The following TENM2 variants were observed in gnomAD, a reference collection of about 807,000 sequenced individuals.
The protein encoded by TENM2 is teneurin-2.
Under a neutral mutation model 245.2 loss-of-function variants are expected in TENM2, and 52 were observed. The observed-to-expected ratio is 0.21, with a 90% CI of 0.17 to 0.27. The LOEUF (loss-of-function observed/expected upper bound fraction) is 0.27. Among genes scored for constraint, TENM2 ranks in the 10% least tolerant of loss-of-function variants. TENM2 has a pLI of 1.00. For synonymous variants in TENM2, 1,363 were observed against 1,438.9 expected (o/e 0.95, Z 1.19); for missense variants, 3,046 against 3,666.8 (o/e 0.83, Z 4.37).
At chr5:168,238,217 G>GAGAGA (rs1554230275) in intron 25 of TENM2, among the ~76,000 whole-genome samples, 1 of 40,756 alleles carries the variant, frequency 2.5e-5, no homozygotes, top group East Asian at 8.3e-4. Context: ...GAGGGAGGGA[G>GAGAGA]AGAGAAGAAA....
chr5:167,827,396 T>A (rs74901012), intron 2 of TENM2, among the ~76,000 whole-genome samples: 1,751 of 152,190 alleles, frequency 0.012, 32 homozygotes, highest in African/African-American at 0.039. Context: ...TAGCTACTAG[T>A]TAGAGCATGG....
chr5:168,125,791 A>G (rs1206330007), intron 11 of TENM2, among the ~76,000 whole-genome samples: 2 of 151,800 alleles, frequency 1.3e-5, no homozygotes, highest in Non-Finnish European at 2.9e-5. Context: ...GCTATTTTGG[A>G]ATGTCTTCTC....
chr5:168,090,044 A>G (rs1036588513), intron 7 of TENM2, among the ~76,000 whole-genome samples: 1 of 152,212 alleles, frequency 6.6e-6, no homozygotes, highest in African/African-American at 2.4e-5. Flanking sequence ...TAAATGATCA[A>G]TAAAATGGTA....
intron 27 of TENM2, among the ~76,000 whole-genome samples, chr5:168,257,371 C>T (rs1044161744): frequency 5.9e-5 from 9 of 152,016 alleles, no homozygotes; most frequent in Admixed American, 3.9e-4. Context: ...GCAGAGGATA[C>T]GTTTAGGGAA....
At chr5:168,178,340 C>A (rs1759537288) in intron 13 of TENM2, among the ~76,000 whole-genome samples, 1 of 152,122 alleles carries the variant, frequency 6.6e-6, no homozygotes, top group Non-Finnish European at 1.5e-5. Flanking sequence ...GCAGGGTAGA[C>A]CAGGCAGCGA....
chr5:167,957,685 A>C (rs1428841086), intron 4 of TENM2, among the ~76,000 whole-genome samples: 1 of 152,096 alleles, frequency 6.6e-6, no homozygotes, highest in Non-Finnish European at 1.5e-5. Context: ...CTTTGTTCTC[A>C]TTGGTTTCAA....
At chr5:168,076,891 A>C (rs897912770) in intron 7 of TENM2, among the ~76,000 whole-genome samples, 9 of 152,172 alleles carry the variant, frequency 5.9e-5, no homozygotes, top group Admixed American at 1.3e-4. Flanking sequence ...ACACACGTGC[A>C]AATGAGAGAG....
intron 3 of TENM2, among the ~76,000 whole-genome samples, chr5:167,895,495 T>C (rs1039133614): frequency 5.9e-5 from 9 of 152,350 alleles, no homozygotes; most frequent in African/African-American, 2.2e-4. Flanking sequence ...GCAGCTACGA[T>C]TTGAACCATT....
At chr5:167,452,950 T>TATATATATATATATATATATATTTTAA (rs1554157772) in intron 2 of TENM2, among the ~76,000 whole-genome samples, 7 of 99,628 alleles carry the variant, frequency 7.0e-5, no homozygotes, top group African/African-American at 1.7e-4. Context: ...TATATATATA[T>TATATATATATATATATATATATTTTAA]ATATATATAT....
the TENM2 span, among the ~76,000 whole-genome samples, chr5:167,264,916 G>A: frequency 7.9e-5 from 12 of 152,150 alleles, no homozygotes; most frequent in Non-Finnish European, 1.8e-4. Context: ...GACAGAAAAT[G>A]AGCTAAATAG....
intron 5 of TENM2, among the ~76,000 whole-genome samples, chr5:168,004,486 C>A (rs1784646585): frequency 6.7e-6 from 1 of 150,082 alleles, no homozygotes; most frequent in Non-Finnish European, 1.5e-5. Flanking sequence ...GGAGGTCAGC[C>A]CCCATTTGGG....
rs546205906 is a variant in TENM2, at chr5:167,432,094, C to T, written c.502+56621C>T. The stretch of plus-strand genomic sequence containing the variant: ...AGTTAAATTCTAATGCAGTAAAAAC[C>T]CCCCTGGAAACAAACTGTTACCCCT... On this transcript the variant is annotated intron_variant, in intron 2 of 28. Coordinates refer to ENST00000518659, the Ensembl canonical transcript of TENM2. Among the ~76,000 whole-genome samples the T allele has an allele frequency of 1.9e-3, 280 of 150,456 alleles. 2 individuals carry two copies. The highest frequency in any genetic ancestry group is 3.2e-3 in the Non-Finnish European group (218 of 67,726).
At chr5:167,176,344 G>T in the TENM2 span, among the ~76,000 whole-genome samples, 1 of 152,202 alleles carries the variant, frequency 6.6e-6, no homozygotes, top group South Asian at 2.1e-4. Flanking sequence ...AGCTTTTCTT[G>T]AACCATCAGC....
chr5:167,508,912 G>A (rs1418148288), intron 2 of TENM2, among the ~76,000 whole-genome samples: 2 of 152,036 alleles, frequency 1.3e-5, no homozygotes, highest in East Asian at 1.9e-4. Context: ...CTCTGCTCCC[G>A]GGTTCAAGTG....
At chr5:168,158,675 G>C (rs962314833) in intron 12 of TENM2, among the ~76,000 whole-genome samples, 16 of 150,662 alleles carry the variant, frequency 1.1e-4, no homozygotes, top group Admixed American at 6.6e-5. Flanking sequence ...CTCCAGACTG[G>C]GCACGGTGGC....
intron 3 of TENM2, among the ~76,000 whole-genome samples, chr5:167,950,372 A>G (rs1342788645): frequency 1.3e-5 from 2 of 152,144 alleles, no homozygotes; most frequent in Non-Finnish European, 2.9e-5. Context: ...ATACACAGGA[A>G]GGAGGAGGGT....
At chr5:167,459,696 A>G (rs1766159185) in intron 2 of TENM2, among the ~76,000 whole-genome samples, 1 of 152,114 alleles carries the variant, frequency 6.6e-6, no homozygotes, top group Admixed American at 6.6e-5. Flanking sequence ...TTTATTTAAA[A>G]TTTTCTTTAA....
chr5:167,628,046 G>A (rs2127785084), intron 2 of TENM2, among the ~76,000 whole-genome samples: 1 of 152,254 alleles, frequency 6.6e-6, no homozygotes, highest in South Asian at 2.1e-4. Flanking sequence ...GCTTCACATA[G>A]CAAATCTCTG....
chr5:167,636,623 T>G (rs1779225210), intron 2 of TENM2, among the ~76,000 whole-genome samples: 1 of 152,204 alleles, frequency 6.6e-6, no homozygotes, highest in Non-Finnish European at 1.5e-5. Flanking sequence ...ATCCATTCAT[T>G]TACTTAACAT....
Sources: gnomAD v4.1 joint callset for allele counts (sites outside exome capture counted in the v4.1 genomes callset) on GRCh38, gnomAD v4.1.1 for gene constraint, MANE v1.5 for transcripts, NCBI Gene and HGNC (gene_info 2026-07-23, HGNC 2026-07-21) for gene names.